Variants in KATNAL2 observed in about 807,000 individuals in gnomAD.
KATNAL2 encodes katanin p60 ATPase-containing subunit A-like 2.
A neutral mutation model predicts 76.3 loss-of-function variants in KATNAL2; 52 were observed. The ratio of observed to expected loss-of-function variants is 0.68; its 90% CI spans 0.55 to 0.86. The LOEUF (loss-of-function observed/expected upper bound fraction) is 0.86. Ranked by LOEUF, KATNAL2 falls within the 40% of genes least tolerant of loss-of-function variation. KATNAL2 has a pLI of 0.00. For missense variants in KATNAL2, 660 were observed against 668.9 expected, an observed-to-expected ratio of 0.99 and a Z score of 0.15; for synonymous variants, 243 against 244.2, an observed-to-expected ratio of 1.00 and a Z score of 0.05.
intron 7 of KATNAL2, among the ~76,000 whole-genome samples, chr18:47,059,258 G>A (rs568337350): frequency 1.1e-4 from 16 of 152,304 alleles, no homozygotes; most frequent in African/African-American, 3.1e-4. Context: ...GAGAAAAGAC[G>A]AGCCAGCGAA....
At chr18:47,041,577 C>T (rs1003214914) in intron 3 of KATNAL2, among the ~76,000 whole-genome samples, 3 of 152,124 alleles carry the variant, frequency 2.0e-5, no homozygotes. Context: ...TCTGAGTATA[C>T]CACAATTTAT....
At position 47,050,184 on chromosome 18, in the gene KATNAL2, C is replaced by T. The variant is rs529371531; in HGVS notation, c.123-2696C>T. On this transcript the variant is annotated intron_variant, in intron 4 of 17. Transcript: ENST00000683218. Reference sequence around the variant, plus strand: ...GAACCACCATGCCTGGCCTAAGGAACTCTTTTTTTTTTCTCAGACCATCTT... The same window carrying T: ...GAACCACCATGCCTGGCCTAAGGAATTCTTTTTTTTTTCTCAGACCATCTT... Among the ~76,000 whole-genome samples, 3 of 152,062 alleles carry T rather than the reference C, an allele frequency of 2.0e-5. No homozygotes were observed. The South Asian group carries it at 6.2e-4, about 32-fold the overall frequency.
chr18:47,063,138 T>C, intron 9 of KATNAL2, 68 bp downstream of exon 9: 1 of 1,500,864 alleles, frequency 6.7e-7, no homozygotes, highest in Non-Finnish European at 9.3e-7. Flanking sequence ...GGAAATATAA[T>C]TTTGAGTACA....
In KATNAL2 at chr18:46,946,904, C is replaced by G; in HGVS notation, c.32C>G (p.Thr11Arg). The change falls in exon 3 of 18, where the codon ACG (threonine) becomes AGG (arginine). Residue 11 changes from threonine to arginine, a missense_variant. Transcript: ENST00000683218. ...CTTTCCTACCAGACCCTGAAATTCA[C>G]GCATCAGGCGCGGGAAGCGGTAAGG... Reference protein sequence around the residue: MELSYQTLKFTHQAREACEMR... With the variant: MELSYQTLKFRHQAREACEMR... The G allele has an allele frequency of 6.5e-7, 1 of 1,534,430 alleles. No homozygotes were observed. The highest frequency in any genetic ancestry group is 8.7e-7 in the Non-Finnish European group (1 of 1,145,374).
At chr18:46,953,751 C>T (rs918938254) in intron 3 of KATNAL2, among the ~76,000 whole-genome samples, 6 of 120,164 alleles carry the variant, frequency 5.0e-5, no homozygotes, top group African/African-American at 9.7e-5. Flanking sequence ...ATGGAGACCC[C>T]GTCTCAAAAA....
At chr18:46,945,724 A>T (rs931905978) in intron 1 of KATNAL2, among the ~76,000 whole-genome samples, 13 of 152,256 alleles carry the variant, frequency 8.5e-5, no homozygotes, top group Non-Finnish European at 5.9e-5. Context: ...ATTATATTAG[A>T]TAGCCAAGTA....
intron 7 of KATNAL2, among the ~76,000 whole-genome samples, chr18:47,058,704 A>G (rs1447292909): frequency 6.6e-6 from 1 of 151,966 alleles, no homozygotes; most frequent in Non-Finnish European, 1.5e-5. Flanking sequence ...AACTGAGCTA[A>G]CCAAGATGGC....
intron 3 of KATNAL2, among the ~76,000 whole-genome samples, chr18:46,957,467 G>C (rs779671353): frequency 2.4e-4 from 37 of 151,466 alleles, no homozygotes; most frequent in Non-Finnish European, 4.7e-4. Context: ...TGTTAGCCAG[G>C]ACGGTCTCCA....
chr18:47,031,265 G>A (rs1013221075), intron 3 of KATNAL2, among the ~76,000 whole-genome samples: 2 of 151,876 alleles, frequency 1.3e-5, no homozygotes, highest in East Asian at 1.9e-4. Context: ...TTGGTGCCAC[G>A]GTTTGGGCAG....
At chr18:47,044,696 G>A (rs564116311) in intron 3 of KATNAL2, among the ~76,000 whole-genome samples, 3 of 150,764 alleles carry the variant, frequency 2.0e-5, no homozygotes. Flanking sequence ...GGGAGGCAGA[G>A]TTTGCAGTGA....
intron 15 of KATNAL2, among the ~76,000 whole-genome samples, chr18:47,086,353 G>GGCTGGAGT (rs1187041573): frequency 6.6e-6 from 1 of 152,116 alleles, no homozygotes; most frequent in African/African-American, 2.4e-5. Context: ...CTGTTCCCCA[G>GGCTGGAGT]GCTGGAGTGC....
intron 3 of KATNAL2, among the ~76,000 whole-genome samples, chr18:46,960,142 AC>A (rs1188945785): frequency 2.0e-5 from 3 of 152,138 alleles, no homozygotes; most frequent in African/African-American, 4.8e-5. Flanking sequence ...TGGAAGGAGA[AC>A]CCCAAAAAAG....
At chr18:46,957,404 G>A (rs2059790557) in intron 3 of KATNAL2, among the ~76,000 whole-genome samples, 2 of 151,334 alleles carry the variant, frequency 1.3e-5, no homozygotes, top group Non-Finnish European at 2.9e-5. Context: ...ACAGGCGCCC[G>A]CCACCTCACC....
chr18:47,077,994 G>C (rs2062320206), intron 15 of KATNAL2, among the ~76,000 whole-genome samples: 1 of 152,170 alleles, frequency 6.6e-6, no homozygotes, highest in South Asian at 2.1e-4. Flanking sequence ...TGGGAAATAA[G>C]AGATGTTGAT....
chr18:46,919,517 C>T (rs1240191019), intron 1 of KATNAL2, among the ~76,000 whole-genome samples: 1 of 151,236 alleles, frequency 6.6e-6, no homozygotes, highest in Non-Finnish European at 1.5e-5. Context: ...GGTGTGGTGG[C>T]ACATGCCTGT....
intron 3 of KATNAL2, among the ~76,000 whole-genome samples, chr18:46,959,203 CTAAT>C (rs1420582854): frequency 2.0e-5 from 3 of 152,196 alleles, no homozygotes; most frequent in Non-Finnish European, 4.4e-5. Context: ...GTTCTAAACA[CTAAT>C]TAAACAAACT....
At chr18:47,092,214 C>T (rs1358440645) in intron 15 of KATNAL2, among the ~76,000 whole-genome samples, 1 of 152,098 alleles carries the variant, frequency 6.6e-6, no homozygotes, top group Non-Finnish European at 1.5e-5. Context: ...TAAAAGATCT[C>T]CCGGCCGAGT....
In KATNAL2 at chr18:46,947,195, G is replaced by A. The variant is rs185641491; in HGVS notation, c.51+272G>A. 1.1e-3 allele frequency among the ~76,000 whole-genome samples: 172 copies of A among 152,278 alleles called. 1 individual carries two copies. The highest frequency in any genetic ancestry group is 3.9e-3 in the African/African-American group (163 of 41,562). ...GGTCGGTTCCTGATTGAGGAAATGA[G>A]GTATTGACGGGGAGGTGTTATTAGA... On this transcript the variant is annotated intron_variant, in intron 3 of 17. Transcript: ENST00000683218.
chr18:46,941,815 C>A (rs943036235), intron 1 of KATNAL2, among the ~76,000 whole-genome samples: 1 of 152,070 alleles, frequency 6.6e-6, no homozygotes, highest in African/African-American at 2.4e-5. Flanking sequence ...GAATAGCACT[C>A]GAATATAAAA....
Sources: gnomAD v4.1 joint callset for allele counts (sites outside exome capture counted in the v4.1 genomes callset) on GRCh38, gnomAD v4.1.1 for gene constraint, MANE v1.5 for transcripts, NCBI Gene and HGNC (gene_info 2026-07-23, HGNC 2026-07-21) for gene names.